CD274: variants seen among roughly 807,000 people sequenced by gnomAD.
The protein encoded by CD274 is CD274 molecule, also known as programmed cell death 1 ligand 1.
A neutral mutation model predicts 30.1 loss-of-function variants in CD274; 8 were observed. The ratio of observed to expected loss-of-function variants is 0.27; its 90% confidence interval spans 0.16 to 0.48. CD274 has a LOEUF of 0.48. CD274 is among the 20% of genes least tolerant of loss of function. The pLI is 0.99. For synonymous variants in CD274, 152 were observed against 124.6 expected, an observed-to-expected ratio of 1.22 and a Z score of -1.46; for missense variants, 353 against 346.6, an observed-to-expected ratio of 1.02 and a Z score of -0.15.
At chr9:5,453,192 C>G (rs1819238219) in intron 1 of CD274, among the ~76,000 whole-genome samples, 1 of 151,990 alleles carries the variant, frequency 6.6e-6, no homozygotes, top group Admixed American at 6.5e-5. Flanking sequence ...AAAATAGGTA[C>G]CTAACACTGG....
intron 3 of CD274, among the ~76,000 whole-genome samples, chr9:5,462,562 A>AT (rs1331243684): frequency 6.6e-6 from 1 of 152,192 alleles, no homozygotes; most frequent in Admixed American, 6.5e-5. Flanking sequence ...TTTAGTGTAA[A>AT]TTAATCTTTA....
In CD274 at chr9:5,465,336, C is replaced by T. The variant is rs1450173925; in HGVS notation, c.683-163C>T. ...CTTCTCACACTTCTCCATGCTGTTCCCATTTTAACACAGGTATCTCGCCAT... is the reference window on the plus strand; with the variant it reads ...CTTCTCACACTTCTCCATGCTGTTCTCATTTTAACACAGGTATCTCGCCAT... On this transcript the variant is annotated intron_variant, in intron 4 of 6. Coordinates refer to ENST00000381577, the MANE Select transcript of CD274 (RefSeq NM_014143.4). Among the ~76,000 whole-genome samples the T allele has an allele frequency of 2.0e-5, 3 of 152,314 alleles. No homozygotes were observed. In the East Asian group the frequency reaches 5.8e-4, roughly 29 times the overall value.
intron 1 of CD274, among the ~76,000 whole-genome samples, chr9:5,453,474 C>A (rs542103558): frequency 6.6e-6 from 1 of 152,292 alleles, no homozygotes; most frequent in South Asian, 2.1e-4. Flanking sequence ...TAGCCTGGGG[C>A]CCTGGCACAC....
At chr9:5,467,745 A>G (rs1819520684) in intron 6 of CD274, 95 bp from the exon 7 acceptor site, 2 of 968,224 alleles carry the variant, frequency 2.1e-6, no homozygotes, top group Non-Finnish European at 3.4e-6. Context: ...CATTTATCAT[A>G]TCAGCAACTA....
chr9:5,457,595 A>G (rs1819329453), intron 3 of CD274, among the ~76,000 whole-genome samples, 175 bp downstream of exon 3: 1 of 152,214 alleles, frequency 6.6e-6, no homozygotes, highest in South Asian at 2.1e-4. Context: ...TTGAGCACCT[A>G]TTTGATAGTC....
intron 4 of CD274, among the ~76,000 whole-genome samples, chr9:5,463,498 G>C (rs1157817038): frequency 6.6e-6 from 1 of 152,184 alleles, no homozygotes; most frequent in Non-Finnish European, 1.5e-5. Context: ...GAATACCTGA[G>C]AGGAATACTC....
At chr9:5,450,635 G>C (rs140476284) in intron 1 of CD274, 39 bp downstream of exon 1, 116 of 152,362 alleles carry the variant, frequency 7.6e-4, no homozygotes, top group African/African-American at 2.7e-3. Flanking sequence ...CCACGGCCCA[G>C]TATCTCTGGC....
chr9:5,466,692 T>G, intron 5 of CD274, 78 bp from the exon 6 acceptor site: 2 of 1,071,714 alleles, frequency 1.9e-6, no homozygotes, highest in Non-Finnish European at 1.4e-6. Flanking sequence ...TTCACAGAAC[T>G]TGAAATTTAA....
Position 5,469,890 on chromosome 9 carries a change from A to G in CD274, c.*2028A>G, listed in dbSNP as rs532735307. On this transcript the variant is annotated 3_prime_UTR_variant, in exon 7 of 7. Transcript: ENST00000381577. ...AACTTTTGTTTTCTGCTTTCTGTCAAGTATAAACTTCACTTTGATGCTGTA... is the reference window on the plus strand; with the variant it reads ...AACTTTTGTTTTCTGCTTTCTGTCAGGTATAAACTTCACTTTGATGCTGTA... The G allele has an allele frequency of 1.3e-5, 3 of 233,172 alleles. No individual in the cohort carries two copies. The highest frequency in any genetic ancestry group is 1.3e-3 in the Middle Eastern group (1 of 786). The allele number at this position is 233,172 out of a possible 1,614,324, so 14.4% of individuals were successfully genotyped here.
At chr9:5,462,702 G>A (rs1819425563) in intron 3 of CD274, 132 bp from the exon 4 acceptor site, 2 of 749,326 alleles carry the variant, frequency 2.7e-6, no homozygotes, top group Non-Finnish European at 4.3e-6. Flanking sequence ...CACGGCTGAG[G>A]CATCTGAACA....
rs1313230360 is a variant in CD274 at position 5,456,005 on chromosome 9, G to C, written c.-14-95G>C. The C allele has an allele frequency of 5.3e-6, 4 of 753,702 alleles. No individual in the cohort carries two copies. In the African/African-American group the frequency reaches 7.1e-5, roughly 13 times the overall value. 46.7% of individuals were successfully genotyped at this position (753,702 alleles called of 1,614,324 possible). A position where few individuals can be genotyped will look rare whatever the true frequency, so the allele number is the denominator to read the frequency against. ...AGTCAATCATGACTGGTTATTAGAAGACTATTTCAGTTAGAACCACCAAGT... is the reference window on the plus strand; with the variant it reads ...AGTCAATCATGACTGGTTATTAGAACACTATTTCAGTTAGAACCACCAAGT... On this transcript the variant is annotated intron_variant, in intron 1 of 6. Transcript: ENST00000381577.
intron 5 of CD274, 83 bp downstream of exon 5, chr9:5,465,689 T>C (rs754297279): frequency 3.1e-4 from 257 of 821,472 alleles, no homozygotes; most frequent in Non-Finnish European, 4.8e-4. Context: ...GAAACCCGAC[T>C]TAACCTCTGC....
At chr9:5,455,732 T>A (rs2282055) in intron 1 of CD274, among the ~76,000 whole-genome samples, 4 of 151,994 alleles carry the variant, frequency 2.6e-5, no homozygotes, top group Non-Finnish European at 5.9e-5. Flanking sequence ...GCTCTGAAAT[T>A]TTGTACAGGG....
In CD274 at chr9:5,462,987, A is replaced by T. The variant is rs769718308; in HGVS notation, c.548A>T (p.Asn183Ile). The stretch of plus-strand genomic sequence containing the variant: ...CTGAGTGGTAAGACCACCACCACCA[A>T]TTCCAAGAGAGAGGAGAAGCTTTTC... Reference protein sequence around the residue: ...QVLSGKTTTTNSKREEKLFNV... With the variant: ...QVLSGKTTTTISKREEKLFNV... Residue 183 changes from asparagine (N) to isoleucine (I), a missense_variant, in exon 4 of 7, where the codon AAT becomes ATT. By Grantham distance (149) the Asn-to-Ile change is moderately radical. Coordinates refer to ENST00000381577, the MANE Select transcript of CD274 (RefSeq NM_014143.4). 6.2e-7 allele frequency: 1 copy of T among 1,614,100 alleles called. No individual in the cohort carries two copies. The highest frequency in any genetic ancestry group is 8.5e-7 in the Non-Finnish European group (1 of 1,179,950).
chr9:5,459,638 A>G (rs1819369475), intron 3 of CD274, among the ~76,000 whole-genome samples: 1 of 152,226 alleles, frequency 6.6e-6, no homozygotes, highest in African/African-American at 2.4e-5. Flanking sequence ...TCACTCAATT[A>G]TCACTATCAC....
At chr9:5,460,737 T>C (rs762199082) in intron 3 of CD274, among the ~76,000 whole-genome samples, 12 of 152,186 alleles carry the variant, frequency 7.9e-5, no homozygotes, top group Non-Finnish European at 1.5e-4. Flanking sequence ...TCATGACCTT[T>C]TCTTGGTTTT....
In CD274 at chr9:5,470,061, C is replaced by T; in HGVS notation, c.*2199C>T. The T allele has an allele frequency of 4.3e-6, 1 of 233,136 alleles. No individual in the cohort carries two copies. Among genetic ancestry groups the T allele is most frequent in the East Asian group, 6.0e-5 (1 of 16,586 alleles). The allele number at this position is 233,136 out of a possible 1,614,324, so 14.4% of individuals were successfully genotyped here. A position where few individuals can be genotyped will look rare whatever the true frequency, so the allele number is the denominator to read the frequency against. ...CTACACAGCCCTCCTAAGAGGCTTC[C>T]TGGAGGTTTCGAGATTCAGATGCCC... is the stretch of plus-strand genomic sequence containing the variant. On this transcript the variant is annotated 3_prime_UTR_variant, in exon 7 of 7. Coordinates refer to ENST00000381577, the MANE Select transcript of CD274 (RefSeq NM_014143.4).
rs778013992 is a variant in CD274, at chr9:5,465,498, G to A, written c.683-1G>A. 6.3e-7 allele frequency: 1 copy of A among 1,591,586 alleles called. No homozygotes were observed. Among genetic ancestry groups the A allele is most frequent in the East Asian group, 2.2e-5 (1 of 44,774 alleles). On this transcript the variant is annotated splice_acceptor_variant, in intron 4 of 6. Transcript: ENST00000381577. LOFTEE classifies it high-confidence loss of function. ...TGTTTTCGTTTTGTTTTGTTTTTCA[G>A]AACTACCTCTGGCACATCCTCCAAA... is the stretch of plus-strand genomic sequence containing the variant.
chr9:5,459,970 C>T (rs980113734), intron 3 of CD274, among the ~76,000 whole-genome samples: 1 of 150,864 alleles, frequency 6.6e-6, no homozygotes, highest in Non-Finnish European at 1.5e-5. Flanking sequence ...TATTGTGTAG[C>T]ATATCATATC....
Sources: gnomAD v4.1 joint callset for allele counts (sites outside exome capture counted in the v4.1 genomes callset) on GRCh38, gnomAD v4.1.1 for gene constraint, MANE v1.5 for transcripts, NCBI Gene and HGNC (gene_info 2026-07-23, HGNC 2026-07-21) for gene names.